Variants in REXO5 observed in about 807,000 individuals in gnomAD.
REXO5 encodes RNA exonuclease 5.
Under a neutral mutation model 88.5 loss-of-function variants are expected in REXO5, and 48 were observed. The ratio of observed to expected loss-of-function variants is 0.54; its 90% CI spans 0.43 to 0.69. The LOEUF (loss-of-function observed/expected upper bound fraction) is 0.69. Among genes scored for constraint, REXO5 ranks in the 30% least tolerant of loss-of-function variants. REXO5 has a pLI of 0.00. For synonymous variants in REXO5, 311 were observed against 336.5 expected (o/e 0.92, Z 0.83); for missense variants, 749 against 912.2 (o/e 0.82, Z 2.30).
At chr16:20,843,873 A>G in intron 15 of REXO5, 61 bp from the exon 16 acceptor site, 1 of 1,219,794 alleles carries the variant, frequency 8.2e-7, no homozygotes, top group Non-Finnish European at 1.2e-6. Context: ...CCTTTCCCCA[A>G]CCCCTTCTTT....
At chr16:20,811,033 T>C (rs1318945033) in intron 2 of REXO5, among the ~76,000 whole-genome samples, 1 of 152,194 alleles carries the variant, frequency 6.6e-6, no homozygotes, top group East Asian at 1.9e-4. Context: ...CAGGACTCAC[T>C]GCCCTCCCTT....
chr16:20,836,388 C>A (rs933121876), intron 13 of REXO5, among the ~76,000 whole-genome samples: 4 of 152,060 alleles, frequency 2.6e-5, no homozygotes, highest in African/African-American at 9.7e-5. Flanking sequence ...TAGTATATAG[C>A]TTTTTCAGAC....
chr16:20,840,144 A>G, intron 14 of REXO5, 187 bp from the exon 15 acceptor site: 2 of 536,014 alleles, frequency 3.7e-6, no homozygotes, highest in East Asian at 5.7e-5. Context: ...GCTATATGAT[A>G]TACCTATTAA....
chr16:20,817,438 C>T (rs956256573), intron 5 of REXO5, among the ~76,000 whole-genome samples: 6 of 152,134 alleles, frequency 3.9e-5, no homozygotes, highest in Non-Finnish European at 5.9e-5. Context: ...TTGAAGAGTA[C>T]AGCTTGTTGG....
intron 19 of REXO5, 117 bp downstream of exon 19, chr16:20,846,456 C>G (rs2081609153): frequency 2.9e-6 from 2 of 680,674 alleles, no homozygotes; most frequent in East Asian, 2.7e-5. Context: ...TGAATCATCT[C>G]TTTAATTTTC....
chr16:20,828,756 G>A (rs977381059), intron 11 of REXO5, among the ~76,000 whole-genome samples: 7 of 151,904 alleles, frequency 4.6e-5, no homozygotes, highest in Non-Finnish European at 7.4e-5. Flanking sequence ...GTGAAACCCC[G>A]TCTCTACTAA....
chr16:20,844,896 G>A (rs374748238), intron 17 of REXO5, 51 bp downstream of exon 17: 2 of 1,567,680 alleles, frequency 1.3e-6, no homozygotes, highest in Non-Finnish European at 1.8e-6. Context: ...TGGGGATGGT[G>A]ATAACATGAG....
At chr16:20,846,443 AC>A in intron 19 of REXO5, 104 bp downstream of exon 19, 1 of 744,480 alleles carries the variant, frequency 1.3e-6, no homozygotes, top group South Asian at 1.7e-5. Flanking sequence ...GTGAGGACTT[AC>A]ATGAATCATC....
At chr16:20,823,517 C>T (rs1371240365) in intron 6 of REXO5, 4 of 152,180 alleles carry the variant, frequency 2.6e-5, no homozygotes, top group African/African-American at 9.7e-5. Flanking sequence ...ACCTATAAAA[C>T]ACCACTGATA....
chr16:20,835,629 G>A (rs903478598), intron 13 of REXO5, among the ~76,000 whole-genome samples: 3 of 82,396 alleles, frequency 3.6e-5, no homozygotes, highest in African/African-American at 5.3e-5. Flanking sequence ...GAGAACTGCT[G>A]TTCTTAGGAA....
rs534850114 is a variant in REXO5 at position 20,806,560 on chromosome 16, C to G, written c.-148C>G. ...CAGCTGTGGCTAAGGAGGGGAGAAC[C>G]TCTGCTCCCCGCCCGTCTTCTCTTC... On this transcript the variant is annotated 5_prime_UTR_variant, in exon 1 of 20. Transcript: ENST00000261377. The G allele has an allele frequency of 8.1e-6, 12 of 1,488,070 alleles. No individual in the cohort carries two copies. Among genetic ancestry groups the G allele is most frequent in the South Asian group, 1.3e-5 (1 of 77,642 alleles). 92.2% of individuals were successfully genotyped at this position (1,488,070 alleles called of 1,614,324 possible).
At chr16:20,831,310 C>T (rs1272302022) in intron 11 of REXO5, among the ~76,000 whole-genome samples, 1 of 152,136 alleles carries the variant, frequency 6.6e-6, no homozygotes, top group African/African-American at 2.4e-5. Context: ...GGAAGGACCT[C>T]ACCCCTTGTG....
At chr16:20,827,286 C>A in intron 9 of REXO5, 67 bp from the exon 10 acceptor site, 1 of 1,597,356 alleles carries the variant, frequency 6.3e-7, no homozygotes, top group South Asian at 1.1e-5. Context: ...TCTCTCCCAC[C>A]CTGCTAGCCC....
intron 11 of REXO5, among the ~76,000 whole-genome samples, chr16:20,829,059 T>A (rs1052080623): frequency 6.6e-6 from 1 of 152,172 alleles, no homozygotes; most frequent in African/African-American, 2.4e-5. Context: ...ACTAGCATAA[T>A]GTGGTTAAGT....
intron 13 of REXO5, among the ~76,000 whole-genome samples, chr16:20,835,118 T>C (rs573023737): frequency 3.9e-5 from 6 of 152,182 alleles, no homozygotes; most frequent in African/African-American, 1.4e-4. Context: ...TTGGAAACAC[T>C]TTGGTCCTTT....
At chr16:20,816,432 C>A (rs2081083331) in intron 5 of REXO5, among the ~76,000 whole-genome samples, 1 of 152,076 alleles carries the variant, frequency 6.6e-6, no homozygotes, top group African/African-American at 2.4e-5. Flanking sequence ...CTCAAGCAGT[C>A]CTTCCACCTC....
chr16:20,825,209 C>A (rs2081242757), intron 7 of REXO5, among the ~76,000 whole-genome samples: 1 of 152,164 alleles, frequency 6.6e-6, no homozygotes, highest in Non-Finnish European at 1.5e-5. Context: ...TCGTGCTTTG[C>A]TTTATCTAAT....
intron 18 of REXO5, 72 bp from the exon 19 acceptor site, chr16:20,846,149 G>T (rs2081603307): frequency 1.7e-6 from 2 of 1,163,716 alleles, no homozygotes; most frequent in South Asian, 1.2e-5. Context: ...GGCAGAGGAA[G>T]AGTGTTGCAG....
chr16:20,833,247 T>G lies in REXO5; in HGVS notation c.1383+124T>G, dbSNP rs910263240. ...CCTGGCTACAGTTAGCAAGCCTGGCTTGTGTCTCACATCTTGTATGGAGTA... is the reference window on the plus strand; with the variant it reads ...CCTGGCTACAGTTAGCAAGCCTGGCGTGTGTCTCACATCTTGTATGGAGTA... On this transcript the variant is annotated intron_variant, in intron 13 of 19. Transcript: ENST00000261377. 4 of 1,028,250 alleles carry G rather than the reference T, an allele frequency of 3.9e-6. No homozygotes were observed. The African/African-American group carries it at 4.8e-5, about 12-fold the overall frequency. The allele number at this position is 1,028,250 out of a possible 1,614,324, so 63.7% of individuals were successfully genotyped here. A position where few individuals can be genotyped will look rare whatever the true frequency, so the allele number is the denominator to read the frequency against.
Sources: gnomAD v4.1 joint callset for allele counts (sites outside exome capture counted in the v4.1 genomes callset) on GRCh38, gnomAD v4.1.1 for gene constraint, MANE v1.5 for transcripts, NCBI Gene and HGNC (gene_info 2026-07-23, HGNC 2026-07-21) for gene names.